OSTF1: variants seen among roughly 807,000 people sequenced by gnomAD.
The protein encoded by OSTF1 is osteoclast-stimulating factor 1.
OSTF1 carries 27 observed loss-of-function variants against 37.2 expected under a neutral mutation model. The ratio of observed to expected loss-of-function variants is 0.73; its 90% CI spans 0.54 to 1.00. The LOEUF is 1.00. Ranked by LOEUF, OSTF1 falls within the 50% of genes least tolerant of loss-of-function variation. The probability of loss-of-function intolerance (pLI) is 0.00; values close to 1 mark genes in which losing one functional copy is unlikely to be tolerated. For missense variants in OSTF1, 232 were observed against 253.8 expected (o/e 0.91, Z 0.58); for synonymous variants, 82 against 89.2 (o/e 0.92, Z 0.46).
At chr9:75,093,060 C>CTTTTTTTTTT (rs1433476660) in intron 1 of OSTF1, among the ~76,000 whole-genome samples, 3 of 134,948 alleles carry the variant, frequency 2.2e-5, no homozygotes, top group African/African-American at 6.2e-5. Flanking sequence ...CTCTTTCTTT[C>CTTTTTTTTTT]TTTCTTTTTT....
chr9:75,091,932 T>G (rs1269542905), intron 1 of OSTF1, among the ~76,000 whole-genome samples: 1 of 152,236 alleles, frequency 6.6e-6, no homozygotes, highest in Non-Finnish European at 1.5e-5. Flanking sequence ...CATTGAGATC[T>G]GAGACAGATT....
intron 9 of OSTF1, among the ~76,000 whole-genome samples, chr9:75,144,897 C>G (rs776703132): frequency 6.6e-6 from 1 of 152,114 alleles, no homozygotes; most frequent in Admixed American, 6.6e-5. Context: ...ATTTTTTAAG[C>G]AATAGTTCCT....
intron 1 of OSTF1, among the ~76,000 whole-genome samples, chr9:75,098,470 G>A (rs564400310): frequency 6.6e-6 from 1 of 152,150 alleles, no homozygotes; most frequent in East Asian, 1.9e-4. Flanking sequence ...GAACACTGGG[G>A]TCTCCCTGCA....
intron 6 of OSTF1, among the ~76,000 whole-genome samples, chr9:75,134,054 G>A (rs964458926): frequency 1.3e-5 from 2 of 152,090 alleles, no homozygotes; most frequent in African/African-American, 4.8e-5. Context: ...TCTTATTTCA[G>A]CTAATAAACA....
intron 2 of OSTF1, among the ~76,000 whole-genome samples, chr9:75,118,165 A>G (rs1204346476): frequency 6.6e-6 from 1 of 152,178 alleles, no homozygotes; most frequent in African/African-American, 2.4e-5. Flanking sequence ...TACTCTGGAG[A>G]AAAATAAGGA....
rs184145251 is a variant in OSTF1 at position 75,106,089 on chromosome 9, T to C, written c.35-11415T>C. Among the ~76,000 whole-genome samples, 46 of 152,324 alleles carry C rather than the reference T, an allele frequency of 3.0e-4. No homozygotes were observed. In the East Asian group the frequency reaches 3.9e-3, roughly 13 times the overall value. On this transcript the variant is annotated intron_variant, in intron 1 of 9. Transcript: ENST00000346234. Reference sequence around the variant, plus strand: ...TCTTTAGGTTTTTTCTGTTTCTTTTTTGGATTGGATAGGGGAAGTGGTGGG... The same window carrying C: ...TCTTTAGGTTTTTTCTGTTTCTTTTCTGGATTGGATAGGGGAAGTGGTGGG...
intron 6 of OSTF1, 86 bp downstream of exon 6, chr9:75,133,487 GA>G: frequency 1.3e-6 from 1 of 782,774 alleles, no homozygotes. Flanking sequence ...AATGAGAAAG[GA>G]AAAGCATTGG....
At chr9:75,112,866 T>G (rs543726223) in intron 1 of OSTF1, among the ~76,000 whole-genome samples, 1 of 152,334 alleles carries the variant, frequency 6.6e-6, no homozygotes, top group East Asian at 1.9e-4. Flanking sequence ...ACAAGTGGAC[T>G]GCTTCCTTGT....
intron 1 of OSTF1, among the ~76,000 whole-genome samples, chr9:75,106,474 G>A (rs892271081): frequency 2.0e-5 from 3 of 151,626 alleles, no homozygotes; most frequent in South Asian, 2.1e-4. Flanking sequence ...GTGAAACTCC[G>A]TCTCTACTAA....
chr9:75,099,789 A>G (rs1158091168), intron 1 of OSTF1, among the ~76,000 whole-genome samples: 1 of 152,070 alleles, frequency 6.6e-6, no homozygotes, highest in Non-Finnish European at 1.5e-5. Context: ...AGATAGTGCC[A>G]TTGCACTCCA....
intron 1 of OSTF1, among the ~76,000 whole-genome samples, chr9:75,114,896 A>G (rs771684582): frequency 6.6e-6 from 1 of 152,114 alleles, no homozygotes; most frequent in Non-Finnish European, 1.5e-5. Flanking sequence ...TCCTTTCTTC[A>G]TGCTTCATTC....
At chr9:75,134,290 T>G (rs1825809989) in intron 6 of OSTF1, 56 bp from the exon 7 acceptor site, 2 of 765,844 alleles carry the variant, frequency 2.6e-6, no homozygotes, top group African/African-American at 3.5e-5. Flanking sequence ...TGTACCTAGA[T>G]TTGTCAGGCT....
intron 1 of OSTF1, among the ~76,000 whole-genome samples, chr9:75,100,811 G>A (rs185047697): frequency 6.6e-6 from 1 of 151,898 alleles, no homozygotes; most frequent in East Asian, 1.9e-4. Context: ...CTGAAGGTAA[G>A]AATTTGACCG....
intron 1 of OSTF1, among the ~76,000 whole-genome samples, chr9:75,103,433 T>C (rs1412630264): frequency 1.3e-5 from 2 of 152,240 alleles, no homozygotes; most frequent in African/African-American, 4.8e-5. Flanking sequence ...TAAGTATGAC[T>C]CATAGTTCTA....
intron 1 of OSTF1, among the ~76,000 whole-genome samples, chr9:75,090,622 A>T (rs907331566): frequency 1.3e-5 from 2 of 152,128 alleles, no homozygotes; most frequent in East Asian, 3.9e-4. Context: ...TTACAGTGAG[A>T]AACATTACTG....
chr9:75,096,016 T>A (rs570768761), intron 1 of OSTF1, among the ~76,000 whole-genome samples: 2 of 152,006 alleles, frequency 1.3e-5, no homozygotes, highest in Admixed American at 1.3e-4. Context: ...CTCAGCCTCC[T>A]GAGTGGCTGG....
At chr9:75,119,551 A>G (rs1299145112) in intron 2 of OSTF1, among the ~76,000 whole-genome samples, 1 of 152,238 alleles carries the variant, frequency 6.6e-6, no homozygotes, top group African/African-American at 2.4e-5. Flanking sequence ...ACTGAGATCA[A>G]GGTGTCGGCA....
Position 75,109,700 on chromosome 9 carries a change from C to T in OSTF1, c.35-7804C>T, listed in dbSNP as rs532940291. ...AATATTTTCTTCCTACGGAAGATGA[C>T]CGGAAGGGATTTCTAGTTATGTTCC... On this transcript the variant is annotated intron_variant, in intron 1 of 9. Coordinates refer to ENST00000346234, the MANE Select transcript of OSTF1 (RefSeq NM_012383.5). Among the ~76,000 whole-genome samples the T allele has an allele frequency of 2.0e-5, 3 of 152,222 alleles. No individual in the cohort carries two copies. In the South Asian group the frequency reaches 6.2e-4, roughly 32 times the overall value.
At chr9:75,123,108 G>A (rs1825605897) in intron 2 of OSTF1, among the ~76,000 whole-genome samples, 1 of 152,208 alleles carries the variant, frequency 6.6e-6, no homozygotes, top group African/African-American at 2.4e-5. Context: ...AAGGAGAGAG[G>A]AAAGGAGGAA....
Sources: gnomAD v4.1 joint callset for allele counts (sites outside exome capture counted in the v4.1 genomes callset) on GRCh38, gnomAD v4.1.1 for gene constraint, MANE v1.5 for transcripts, NCBI Gene and HGNC (gene_info 2026-07-23, HGNC 2026-07-21) for gene names.